CHD6: variants seen among roughly 807,000 people sequenced by gnomAD.
CHD6 encodes ATP-dependent chromatin remodeler CHD6.
In CHD6, 50 loss-of-function variants were observed where a neutral mutation model predicts 276.9. That is an observed-to-expected ratio of 0.18 (90% CI 0.14 to 0.23). The LOEUF is 0.23. Among genes scored for constraint, CHD6 ranks in the 10% least tolerant of loss-of-function variants. The pLI, the probability that CHD6 is intolerant of heterozygous loss-of-function variation, is 1.00. For synonymous variants in CHD6, 1,173 were observed against 1,229.3 expected (o/e 0.95, Z 0.96); for missense variants, 2,564 against 3,365.8 (o/e 0.76, Z 5.89).
chr20:41,583,909 T>C (rs758150218), intron 1 of CHD6, among the ~76,000 whole-genome samples: 15 of 151,854 alleles, frequency 9.9e-5, no homozygotes, highest in Non-Finnish European at 1.6e-4. Context: ...AGAGATAAAA[T>C]TGAATTTTAA....
At chr20:41,579,129 CAAAAAAAAAAA>C (rs58395642) in intron 1 of CHD6, among the ~76,000 whole-genome samples, 2 of 42,824 alleles carry the variant, frequency 4.7e-5, no homozygotes, top group East Asian at 6.3e-4. Context: ...GACTCCATCT[CAAAAAAAAAAA>C]AAAAAAAAAA....
intron 2 of CHD6, among the ~76,000 whole-genome samples, chr20:41,538,272 A>G (rs1347222012): frequency 6.6e-6 from 1 of 152,102 alleles, no homozygotes; most frequent in South Asian, 2.1e-4. Flanking sequence ...AATTGCTTGA[A>G]CTTGGGAGGC....
intron 1 of CHD6, among the ~76,000 whole-genome samples, chr20:41,566,030 G>T (rs1011361294): frequency 3.9e-5 from 6 of 152,102 alleles, no homozygotes; most frequent in African/African-American, 1.4e-4. Flanking sequence ...TTTGGTTTTA[G>T]ACATGGTGAC....
chr20:41,584,944 G>A (rs2045577934), intron 1 of CHD6, among the ~76,000 whole-genome samples: 1 of 151,934 alleles, frequency 6.6e-6, no homozygotes, highest in Non-Finnish European at 1.5e-5. Flanking sequence ...CATAATGAAC[G>A]AAAATCAATG....
chr20:41,487,635 G>A, intron 14 of CHD6, 30 bp downstream of exon 14: 1 of 1,580,766 alleles, frequency 6.3e-7, no homozygotes, highest in Non-Finnish European at 8.6e-7. Context: ...CGATCACACT[G>A]TCTCCTCAAT....
intron 1 of CHD6, among the ~76,000 whole-genome samples, chr20:41,559,049 T>A (rs374714260): frequency 9.2e-5 from 14 of 152,120 alleles, no homozygotes; most frequent in African/African-American, 3.4e-4. Context: ...TTCATTACAA[T>A]GTTGATGAGA....
intron 29 of CHD6, 69 bp from the exon 30 acceptor site, chr20:41,423,769 A>T: frequency 8.0e-7 from 1 of 1,253,618 alleles, no homozygotes; most frequent in Non-Finnish European, 1.2e-6. Flanking sequence ...CTGCTTATTG[A>T]GAGCCTACTA....
chr20:41,498,964 T>C (rs77258996), intron 6 of CHD6, among the ~76,000 whole-genome samples: 12,037 of 152,052 alleles, frequency 0.079, 737 homozygotes, highest in Non-Finnish European at 0.11. Context: ...TATGAGCCAA[T>C]GAACCTGGCC....
intron 17 of CHD6, among the ~76,000 whole-genome samples, chr20:41,463,571 T>A (rs2042851257): frequency 6.6e-6 from 1 of 152,078 alleles, no homozygotes; most frequent in African/African-American, 2.4e-5. Context: ...TAAACCTAGA[T>A]CCAATCCTGA....
chr20:41,432,132 C>A (rs1257672737), intron 27 of CHD6, among the ~76,000 whole-genome samples: 2 of 140,532 alleles, frequency 1.4e-5, no homozygotes, highest in African/African-American at 2.8e-5. Flanking sequence ...TGCACTCCAA[C>A]CTGGGCAGCA....
At chr20:41,501,559 T>C (rs564741871) in intron 5 of CHD6, among the ~76,000 whole-genome samples, 131 of 152,322 alleles carry the variant, frequency 8.6e-4, no homozygotes, top group African/African-American at 3.0e-3. Context: ...CACTCTACTG[T>C]TGAGGAATAT....
intron 3 of CHD6, 149 bp downstream of exon 3, chr20:41,532,901 C>T: frequency 1.2e-6 from 1 of 846,944 alleles, no homozygotes; most frequent in Non-Finnish European, 1.7e-6. Flanking sequence ...AAGGGGTTAC[C>T]CCTGCTCCCC....
chr20:41,476,876 A>G (rs1308990205), intron 16 of CHD6, among the ~76,000 whole-genome samples: 1 of 152,166 alleles, frequency 6.6e-6, no homozygotes, highest in Admixed American at 6.5e-5. Flanking sequence ...GTAAATGTGT[A>G]TGTATGTATA....
intron 5 of CHD6, 57 bp from the exon 6 acceptor site, chr20:41,499,414 CA>C: frequency 7.2e-7 from 1 of 1,381,966 alleles, no homozygotes; most frequent in African/African-American, 1.5e-5. Context: ...TCCAAGAAAA[CA>C]ATTCTGTAAG....
At chr20:41,594,023 A>G (rs1223916223) in intron 1 of CHD6, among the ~76,000 whole-genome samples, 1 of 152,160 alleles carries the variant, frequency 6.6e-6, no homozygotes, top group Non-Finnish European at 1.5e-5. Flanking sequence ...ATGATCAAGA[A>G]GAGATGCTAC....
intron 1 of CHD6, among the ~76,000 whole-genome samples, chr20:41,552,462 CTTAA>C (rs2045160756): frequency 6.6e-6 from 1 of 152,196 alleles, no homozygotes; most frequent in Non-Finnish European, 1.5e-5. Flanking sequence ...ATTAGCTTGA[CTTAA>C]TTATTACACA....
intron 16 of CHD6, chr20:41,482,604 TAA>T: frequency 4.2e-6 from 2 of 480,266 alleles, no homozygotes; most frequent in Non-Finnish European, 8.2e-6. Flanking sequence ...CTTTTATCAT[TAA>T]GAATGAATTT....
At chr20:41,434,967 C>T (rs1252870506) in intron 27 of CHD6, among the ~76,000 whole-genome samples, 4 of 152,066 alleles carry the variant, frequency 2.6e-5, no homozygotes, top group African/African-American at 9.7e-5. Context: ...ATACCATACA[C>T]TGGGCCATAA....
At chr20:41,612,915 A>C (rs2045901614) in intron 1 of CHD6, among the ~76,000 whole-genome samples, 1 of 152,178 alleles carries the variant, frequency 6.6e-6, no homozygotes, top group Admixed American at 6.5e-5. Flanking sequence ...GCCCAACAAA[A>C]AAAATCTCCA....
Sources: allele counts gnomAD v4.1 joint callset (sites outside exome capture counted in the v4.1 genomes callset), GRCh38; gene constraint gnomAD v4.1.1; transcripts MANE v1.5; gene names NCBI Gene and HGNC (gene_info 2026-07-23, HGNC 2026-07-21).